DLGAP2: variants seen among roughly 807,000 people sequenced by gnomAD.
The protein encoded by DLGAP2 is disks large-associated protein 2.
Under a neutral mutation model 100.3 loss-of-function variants are expected in DLGAP2, and 26 were observed. The ratio of observed to expected loss-of-function variants is 0.26; its 90% CI spans 0.19 to 0.36. DLGAP2 has a LOEUF of 0.36. Among genes scored for constraint, DLGAP2 ranks in the 10% least tolerant of loss-of-function variants. The probability of loss-of-function intolerance (pLI) is 1.00; values close to 1 mark genes in which losing one functional copy is unlikely to be tolerated. For synonymous variants in DLGAP2, 886 were observed against 630.1 expected, an observed-to-expected ratio of 1.41 and a Z score of -6.08; for missense variants, 1,858 against 1,453.2, an observed-to-expected ratio of 1.28 and a Z score of -4.53.
At chr8:901,888 G>C (rs1472216629) in intron 1 of DLGAP2, among the ~76,000 whole-genome samples, 1 of 152,218 alleles carries the variant, frequency 6.6e-6, no homozygotes, top group Non-Finnish European at 1.5e-5. Flanking sequence ...GAGATTTCCA[G>C]GGCTTCGCTG....
intron 1 of DLGAP2, chr8:893,254 C>A (rs1798073074): frequency 6.6e-6 from 1 of 152,180 alleles, no homozygotes; most frequent in South Asian, 2.1e-4. Flanking sequence ...CCTCCAGAGT[C>A]ACTTTCCCTT....
chr8:1,619,076 G>A (rs1797247332), intron 6 of DLGAP2, among the ~76,000 whole-genome samples: 1 of 152,190 alleles, frequency 6.6e-6, no homozygotes, highest in Admixed American at 6.5e-5. Context: ...GGAAAGGCAA[G>A]CCATAGAATA....
chr8:1,493,317 C>A (rs1799447832), intron 3 of DLGAP2, among the ~76,000 whole-genome samples: 1 of 152,012 alleles, frequency 6.6e-6, no homozygotes, highest in South Asian at 2.1e-4. Context: ...CCTCCATCTC[C>A]GTGGCTTTCA....
In DLGAP2 at chr8:1,703,931, T is replaced by G. The variant is rs1300562067; in HGVS notation, c.*2525T>G. The G allele has an allele frequency of 6.6e-6, 1 of 152,632 alleles. No individual in the cohort carries two copies. The highest frequency in any genetic ancestry group is 6.5e-5 in the Admixed American group (1 of 15,272). 9.5% of individuals were successfully genotyped at this position (152,632 alleles called of 1,614,324 possible). Reference sequence around the variant, plus strand: ...CTGGTCCGCCATGTTCCAAAGAAGATGATTTAATGGTAGAACGGATACCTG... The same window carrying G: ...CTGGTCCGCCATGTTCCAAAGAAGAGGATTTAATGGTAGAACGGATACCTG... On this transcript the variant is annotated 3_prime_UTR_variant, in exon 15 of 15. Transcript: ENST00000637795.
intron 3 of DLGAP2, among the ~76,000 whole-genome samples, chr8:1,336,755 A>G (rs1015496477): frequency 2.6e-5 from 4 of 152,236 alleles, no homozygotes; most frequent in African/African-American, 9.6e-5. Flanking sequence ...TACTAGTGAA[A>G]GCAGTGGGCT....
At chr8:1,606,135 G>T (rs1796789269) in intron 6 of DLGAP2, among the ~76,000 whole-genome samples, 1 of 152,150 alleles carries the variant, frequency 6.6e-6, no homozygotes, top group Non-Finnish European at 1.5e-5. Context: ...CGAACTGAAG[G>T]TACCAGTGGG....
intron 4 of DLGAP2, among the ~76,000 whole-genome samples, chr8:1,519,835 G>T (rs1160252492): frequency 3.3e-5 from 5 of 152,274 alleles, no homozygotes; most frequent in African/African-American, 1.2e-4. Flanking sequence ...GGCCCCGGCA[G>T]GGCCGCCCAT....
chr8:953,070 A>C (rs138413871), intron 2 of DLGAP2, among the ~76,000 whole-genome samples: 1 of 152,340 alleles, frequency 6.6e-6, no homozygotes, highest in East Asian at 1.9e-4. Context: ...GATCCTATAC[A>C]ACATGGAAAA....
At chr8:1,420,115 T>G (rs1797047138) in intron 3 of DLGAP2, among the ~76,000 whole-genome samples, 1 of 152,146 alleles carries the variant, frequency 6.6e-6, no homozygotes, top group Admixed American at 6.5e-5. Flanking sequence ...CCTGGAGGTC[T>G]GGGGTCGGGA....
intron 3 of DLGAP2, among the ~76,000 whole-genome samples, chr8:1,320,166 G>T (rs1800862397): frequency 6.6e-6 from 1 of 152,066 alleles, no homozygotes. Flanking sequence ...CCAGCTGAGT[G>T]TTGAGTCCTT....
chr8:1,113,187 T>G (rs1226320656), intron 2 of DLGAP2, among the ~76,000 whole-genome samples: 1 of 151,686 alleles, frequency 6.6e-6, no homozygotes, highest in African/African-American at 2.4e-5. Context: ...ATATTTGGGC[T>G]TTTTTTTGGT....
At chr8:1,257,589 C>T (rs936136429) in intron 2 of DLGAP2, among the ~76,000 whole-genome samples, 1 of 152,186 alleles carries the variant, frequency 6.6e-6, no homozygotes, top group Non-Finnish European at 1.5e-5. Flanking sequence ...CATTACGTGG[C>T]GTCTCCTCTG....
At chr8:1,241,745 GA>G (rs11385260) in intron 2 of DLGAP2, among the ~76,000 whole-genome samples, 2 of 150,880 alleles carry the variant, frequency 1.3e-5, no homozygotes, top group Non-Finnish European at 3.0e-5. Context: ...TGTAAGTGGT[GA>G]AAAAAAAAAC....
chr8:1,309,912 T>C (rs575254427), intron 3 of DLGAP2, among the ~76,000 whole-genome samples: 2 of 152,230 alleles, frequency 1.3e-5, no homozygotes, highest in African/African-American at 4.8e-5. Flanking sequence ...CTAGCCAACA[T>C]GGTGAAAACC....
At chr8:820,652 A>C (rs1796566647) in intron 1 of DLGAP2, among the ~76,000 whole-genome samples, 1 of 152,226 alleles carries the variant, frequency 6.6e-6, no homozygotes, top group Non-Finnish European at 1.5e-5. Flanking sequence ...TGGCAATGTA[A>C]ATGGAAACCA....
intron 3 of DLGAP2, among the ~76,000 whole-genome samples, chr8:1,371,778 T>C (rs1482790673): frequency 6.6e-6 from 1 of 152,134 alleles, no homozygotes; most frequent in Non-Finnish European, 1.5e-5. Flanking sequence ...TATTTGTGCA[T>C]TTCTCATATT....
intron 1 of DLGAP2, among the ~76,000 whole-genome samples, chr8:849,274 C>G (rs1003207192): frequency 6.6e-6 from 1 of 152,156 alleles, no homozygotes; most frequent in African/African-American, 2.4e-5. Flanking sequence ...TAGGATCACA[C>G]AGAGTCTGTT....
intron 3 of DLGAP2, among the ~76,000 whole-genome samples, chr8:1,327,159 G>A (rs962905695): frequency 2.0e-5 from 3 of 152,204 alleles, no homozygotes; most frequent in Non-Finnish European, 4.4e-5. Context: ...TTACAGTTCC[G>A]AGGCGTCTCA....
intron 1 of DLGAP2, among the ~76,000 whole-genome samples, chr8:773,422 G>A (rs193265485): frequency 6.6e-6 from 1 of 150,820 alleles, no homozygotes; most frequent in East Asian, 2.0e-4. Flanking sequence ...ATGTATACAT[G>A]TGCCATGCTG....
Sources: gnomAD v4.1 joint callset for allele counts (sites outside exome capture counted in the v4.1 genomes callset) on GRCh38, gnomAD v4.1.1 for gene constraint, MANE v1.5 for transcripts, NCBI Gene and HGNC (gene_info 2026-07-23, HGNC 2026-07-21) for gene names.